Variants in VPS35L observed in about 807,000 individuals in gnomAD.
The protein encoded by VPS35L is VPS35 endosomal protein sorting factor like.
VPS35L carries 83 observed loss-of-function variants against 133.0 expected under a neutral mutation model. The ratio of observed to expected loss-of-function variants is 0.62; its 90% confidence interval spans 0.52 to 0.75. The LOEUF is 0.75. Among genes scored for constraint, VPS35L ranks in the 30% least tolerant of loss-of-function variants. The probability of loss-of-function intolerance (pLI) is 0.00; values close to 1 mark genes in which losing one functional copy is unlikely to be tolerated. For synonymous variants in VPS35L, 423 were observed against 449.9 expected, an observed-to-expected ratio of 0.94 and a Z score of 0.76; for missense variants, 1,083 against 1,206.8, an observed-to-expected ratio of 0.90 and a Z score of 1.52.
chr16:19,585,165 G>A (rs892774299), intron 7 of VPS35L, among the ~76,000 whole-genome samples: 3 of 152,168 alleles, frequency 2.0e-5, no homozygotes, highest in African/African-American at 7.2e-5. Context: ...CTCTCTGGCT[G>A]TTATGAATAA....
rs149111557 is a variant in VPS35L at position 19,620,164 on chromosome 16, C to T, written c.1224+3356C>T. On this transcript the variant is annotated intron_variant, in intron 14 of 30. Coordinates refer to ENST00000417362, the MANE Select transcript of VPS35L (RefSeq NM_020314.7). ...AGAATGTTTAAAATAGAAATGCAGC[C>T]TTGGCCTGACTTCTTTTCTCTCCTC... is the stretch of plus-strand genomic sequence containing the variant. Among the ~76,000 whole-genome samples the T allele has an allele frequency of 1.6e-4, 25 of 152,270 alleles. No individual in the cohort carries two copies. The East Asian group carries it at 2.9e-3, about 18-fold the overall frequency.
chr16:19,649,742 A>C (rs892963301), intron 24 of VPS35L, among the ~76,000 whole-genome samples: 1 of 152,208 alleles, frequency 6.6e-6, no homozygotes, highest in Non-Finnish European at 1.5e-5. Context: ...TTTCATGTCT[A>C]TTCAAGGAGA....
chr16:19,643,129 C>A (rs1197276085), intron 22 of VPS35L, among the ~76,000 whole-genome samples: 1 of 152,132 alleles, frequency 6.6e-6, no homozygotes, highest in Admixed American at 6.5e-5. Flanking sequence ...TCTTTGTTTT[C>A]TCTGCATTTT....
In VPS35L at chr16:19,597,490, G is replaced by C. The variant is rs183965791; in HGVS notation, c.725-4174G>C. Among the ~76,000 whole-genome samples, 120 of 152,338 alleles carry C rather than the reference G, an allele frequency of 7.9e-4. 2 individuals are homozygous for C. Among genetic ancestry groups the C allele is most frequent in the South Asian group, 5.6e-3 (27 of 4,832 alleles). ...CGATAGAAATGGTTTCTCTCAGAGGGTGTGCAGGGCAGTGAGGTGGATGGG... is the reference window on the plus strand; with the variant it reads ...CGATAGAAATGGTTTCTCTCAGAGGCTGTGCAGGGCAGTGAGGTGGATGGG... On this transcript the variant is annotated intron_variant, in intron 8 of 30. Transcript: ENST00000417362.
At chr16:19,606,400 GA>G (rs1419307211) in intron 9 of VPS35L, among the ~76,000 whole-genome samples, 1 of 151,882 alleles carries the variant, frequency 6.6e-6, no homozygotes, top group Non-Finnish European at 1.5e-5. Flanking sequence ...CTTGAAAGTA[GA>G]AAAAAAAGTT....
At chr16:19,620,546 C>T (rs1973044554) in intron 14 of VPS35L, among the ~76,000 whole-genome samples, 1 of 152,106 alleles carries the variant, frequency 6.6e-6, no homozygotes, top group Non-Finnish European at 1.5e-5. Flanking sequence ...AAAAATCCTT[C>T]AATTGGGATG....
At chr16:19,624,794 C>G (rs952233508) in intron 14 of VPS35L, among the ~76,000 whole-genome samples, 1 of 152,132 alleles carries the variant, frequency 6.6e-6, no homozygotes. Flanking sequence ...TTAACCCTGT[C>G]TGAGCTTTGG....
intron 1 of VPS35L, among the ~76,000 whole-genome samples, chr16:19,563,884 A>G (rs984898568): frequency 2.0e-5 from 3 of 152,100 alleles, no homozygotes; most frequent in Non-Finnish European, 4.4e-5. Flanking sequence ...AGGTTTCCTT[A>G]GAGCCTTTTT....
In VPS35L at chr16:19,666,872, T is replaced by TTTTCTTTCTTTCTTTC. The variant is rs551438290; in HGVS notation, c.2222-2241_2222-2226dup. Among the ~76,000 whole-genome samples, 309 of 106,326 alleles carry TTTTCTTTCTTTCTTTC rather than the reference T, an allele frequency of 2.9e-3. 2 individuals are homozygous for TTTTCTTTCTTTCTTTC. The highest frequency in any genetic ancestry group is 4.8e-3 in the Middle Eastern group (1 of 208). The allele number at this position is 106,326 out of a possible 152,430, so 69.8% of individuals were successfully genotyped here. On this transcript the variant is annotated intron_variant, in intron 26 of 30. Coordinates refer to ENST00000417362, the MANE Select transcript of VPS35L (RefSeq NM_020314.7). The stretch of plus-strand genomic sequence containing the variant: ...GTGGGTTCCATAAGTAGGGCCATGT[T>TTTTCTTTCTTTCTTTC]TTTCTTTCTTTCTTTCTTTCTTTCT...
At chr16:19,573,818 A>AAATT (rs978496110) in intron 4 of VPS35L, among the ~76,000 whole-genome samples, 23 of 152,272 alleles carry the variant, frequency 1.5e-4, no homozygotes, top group African/African-American at 5.3e-4. Flanking sequence ...ATCTCAAAAA[A>AAATT]AATTAATTAA....
rs770966019 is a variant in VPS35L, at chr16:19,616,781, C to A, written c.1197C>A (p.Phe399Leu). 2 of 1,614,178 alleles carry A rather than the reference C, an allele frequency of 1.2e-6. No homozygotes were observed. Among genetic ancestry groups the A allele is most frequent in the South Asian group, 2.2e-5 (2 of 91,082 alleles). Residue 399 changes from phenylalanine (F) to leucine (L), a missense_variant, in exon 14 of 31, where the codon TTC becomes TTA. Physicochemically the swap from Phe to Leu is conservative, Grantham distance 22 (BLOSUM62 0). Coordinates refer to ENST00000417362, the MANE Select transcript of VPS35L (RefSeq NM_020314.7). ...ACCCGCCTGCCATGGACTGGATCTT[C>A]CAGTGCATCTCCTACCATGCCCCCG... ...PLYPPAMDWIFQCISYHAPEA... is the reference protein window; with the variant it reads ...PLYPPAMDWILQCISYHAPEA...
chr16:19,617,055 A>G, intron 14 of VPS35L: 1 of 632,432 alleles, frequency 1.6e-6, no homozygotes, highest in Admixed American at 2.6e-5. Context: ...AAGTGAGGCC[A>G]CACAGCTAGA....
Position 19,589,833 on chromosome 16 carries a change from C to T in VPS35L, c.640-1957C>T, listed in dbSNP as rs181299389. On this transcript the variant is annotated intron_variant, in intron 7 of 30. Coordinates refer to ENST00000417362, the MANE Select transcript of VPS35L (RefSeq NM_020314.7). ...TTGAAATCCTCTGTTTAAATTCTCT[C>T]TCTCTCACCTCACCAGTGGGCAGTA... is the stretch of plus-strand genomic sequence containing the variant. 2.6e-4 allele frequency among the ~76,000 whole-genome samples: 40 copies of T among 152,296 alleles called. 1 individual carries two copies. The East Asian group carries it at 7.5e-3, about 29-fold the overall frequency.
chr16:19,578,286 C>CTTTTTTTTT, intron 5 of VPS35L: 1 of 414,064 alleles, frequency 2.4e-6, no homozygotes, highest in African/African-American at 2.3e-5. Context: ...TTTCTTTTTT[C>CTTTTTTTTT]TTTTTTTTTT....
chr16:19,669,205 C>T lies in VPS35L; in HGVS notation c.2267C>T (p.Pro756Leu). The change falls in exon 27 of 31, where the codon CCA becomes CTA. Residue 756 changes from proline to leucine, a missense_variant. By Grantham distance (98) the Pro-to-Leu change is moderately conservative. Coordinates refer to ENST00000417362, the MANE Select transcript of VPS35L (RefSeq NM_020314.7). The part of the protein sequence containing the change: ...KAAISLVPEV[P>L]KMINIDGKMR... The stretch of plus-strand genomic sequence containing the variant: ...GCTATAAGCCTTGTTCCGGAAGTTC[C>T]AAAGATGATTAATATTGATGGGAAG... 1.2e-6 allele frequency: 2 copies of T among 1,612,466 alleles called. No homozygotes were observed. Among genetic ancestry groups the T allele is most frequent in the Non-Finnish European group, 1.7e-6 (2 of 1,178,820 alleles).
rs370125912 is a variant in VPS35L at position 19,682,509 on chromosome 16, A to C, written c.2527+119A>C. 5.3e-6 allele frequency: 6 copies of C among 1,124,964 alleles called. No individual in the cohort carries two copies. The South Asian group carries it at 6.2e-5, about 12-fold the overall frequency. The allele number at this position is 1,124,964 out of a possible 1,614,324, so 69.7% of individuals were successfully genotyped here. On this transcript the variant is annotated intron_variant, in intron 28 of 30. Transcript: ENST00000417362. Reference sequence around the variant, plus strand: ...TGTATTTTAGCTTCCATGAACTTCTAGTCCAGGGTCTCACTGTATTTACCT... The same window carrying C: ...TGTATTTTAGCTTCCATGAACTTCTCGTCCAGGGTCTCACTGTATTTACCT...
intron 7 of VPS35L, among the ~76,000 whole-genome samples, chr16:19,585,940 C>A (rs1334660097): frequency 1.3e-5 from 2 of 151,928 alleles, no homozygotes; most frequent in Admixed American, 6.6e-5. Flanking sequence ...CTCTATGACT[C>A]CAGATGGAGT....
chr16:19,608,841 G>A (rs1204754295), intron 10 of VPS35L, 133 bp from the exon 11 acceptor site: 26 of 652,488 alleles, frequency 4.0e-5, no homozygotes, highest in South Asian at 2.7e-4. Flanking sequence ...ACCTTAGTTC[G>A]CTGGATTGTT....
chr16:19,672,139 G>A (rs1452037015), intron 27 of VPS35L, among the ~76,000 whole-genome samples: 2 of 152,036 alleles, frequency 1.3e-5, no homozygotes, highest in African/African-American at 4.8e-5. Flanking sequence ...GTTTTATAGA[G>A]GTACATTCTC....
Sources: allele counts gnomAD v4.1 joint callset (sites outside exome capture counted in the v4.1 genomes callset), GRCh38; gene constraint gnomAD v4.1.1; transcripts MANE v1.5; gene names NCBI Gene and HGNC (gene_info 2026-07-23, HGNC 2026-07-21).